Variants in IQGAP2 observed in about 807,000 individuals in gnomAD.
The protein encoded by IQGAP2 is ras GTPase-activating-like protein IQGAP2.
Under a neutral mutation model 201.3 loss-of-function variants are expected in IQGAP2, and 173 were observed. The observed-to-expected ratio is 0.86, with a 90% confidence interval of 0.76 to 0.98. The LOEUF (loss-of-function observed/expected upper bound fraction) is 0.98. Ranked by LOEUF, IQGAP2 falls within the 50% of genes least tolerant of loss-of-function variation. IQGAP2 has a pLI of 0.00. For synonymous variants in IQGAP2, 675 were observed against 673.9 expected (o/e 1.00, Z -0.03); for missense variants, 1,687 against 1,864.8 (o/e 0.90, Z 1.76).
At chr5:76,513,020 A>C (rs1031041133) in intron 2 of IQGAP2, among the ~76,000 whole-genome samples, 1 of 151,764 alleles carries the variant, frequency 6.6e-6, no homozygotes, top group African/African-American at 2.4e-5. Flanking sequence ...GTGCCACTGC[A>C]CTCCAGCCTG....
At chr5:76,668,871 A>T (rs971228238) in intron 23 of IQGAP2, 27 bp downstream of exon 23, 7 of 1,424,208 alleles carry the variant, frequency 4.9e-6, no homozygotes, top group Non-Finnish European at 6.7e-6. Context: ...GTATGTAAAA[A>T]TACCAGTGAA....
intron 14 of IQGAP2, among the ~76,000 whole-genome samples, chr5:76,629,596 A>T (rs1030610541): frequency 1.4e-4 from 22 of 151,750 alleles, no homozygotes; most frequent in Admixed American, 1.4e-3. Context: ...TTCTCTAATC[A>T]CTCCTTACCA....
intron 2 of IQGAP2, among the ~76,000 whole-genome samples, chr5:76,473,281 A>G (rs888803786): frequency 2.7e-5 from 4 of 147,708 alleles, no homozygotes; most frequent in Non-Finnish European, 3.0e-5. Flanking sequence ...GCTTTGGTGG[A>G]ATTAGCACAA....
chr5:76,551,155 C>T (rs1231751951), intron 2 of IQGAP2, among the ~76,000 whole-genome samples: 25 of 151,548 alleles, frequency 1.6e-4, no homozygotes, highest in African/African-American at 5.1e-4. Context: ...AGACGCTCCT[C>T]ACCTCCCAGA....
intron 30 of IQGAP2, chr5:76,691,858 T>C (rs182204238): frequency 6.6e-6 from 1 of 152,350 alleles, no homozygotes; most frequent in African/African-American, 2.4e-5. Context: ...TGTAATTAAC[T>C]TGAAGGGTTT....
At chr5:76,550,362 T>C (rs972630092) in intron 2 of IQGAP2, among the ~76,000 whole-genome samples, 1 of 151,734 alleles carries the variant, frequency 6.6e-6, no homozygotes, top group African/African-American at 2.4e-5. Context: ...TTTTTTTTTT[T>C]TTCAGTATTT....
At chr5:76,626,265 C>CTTTTTTTTTTT in intron 13 of IQGAP2, among the ~76,000 whole-genome samples, 1 of 57,506 alleles carries the variant, frequency 1.7e-5, no homozygotes, top group South Asian at 7.7e-4. Flanking sequence ...TTTTTTTCTT[C>CTTTTTTTTTTT]TTTTCTTTTT....
chr5:76,689,251 A>AAAAAAACCTGGTCGAGGAATCCT (rs1746061645), intron 30 of IQGAP2, among the ~76,000 whole-genome samples: 3 of 149,498 alleles, frequency 2.0e-5, no homozygotes, highest in Non-Finnish European at 4.4e-5. Context: ...AAAAAAAAAA[A>AAAAAAACCTGGTCGAGGAATCCT]AAAAACCTGG....
In IQGAP2 at chr5:76,673,594, G is replaced by A. The variant is rs1286456763; in HGVS notation, c.3209+5G>A. On this transcript the variant is annotated splice_donor_5th_base_variant and intron_variant, in intron 25 of 35. Coordinates refer to ENST00000274364, the MANE Select transcript of IQGAP2 (RefSeq NM_006633.5). ...TTCTTCCCTTGATCTACTGCCGTAA[G>A]TTGTACTTGCAGCAAGTTTAACATT... The A allele has an allele frequency of 6.2e-7, 1 of 1,613,210 alleles. No individual in the cohort carries two copies. The highest frequency in any genetic ancestry group is 1.1e-5 in the South Asian group (1 of 91,030).
intron 3 of IQGAP2, among the ~76,000 whole-genome samples, chr5:76,563,366 A>C (rs1744516555): frequency 6.6e-6 from 1 of 152,270 alleles, no homozygotes; most frequent in Non-Finnish European, 1.5e-5. Context: ...GATTTTTTAG[A>C]GATACATATC....
intron 17 of IQGAP2, among the ~76,000 whole-genome samples, chr5:76,644,936 G>A (rs972487560): frequency 3.9e-5 from 6 of 152,130 alleles, no homozygotes; most frequent in African/African-American, 1.4e-4. Context: ...TGCCATGGTG[G>A]TTTGCTGCAC....
At chr5:76,407,575 G>T (rs1750866293) in intron 1 of IQGAP2, among the ~76,000 whole-genome samples, 15 of 152,192 alleles carry the variant, frequency 9.9e-5, no homozygotes, top group Admixed American at 9.8e-4. Flanking sequence ...AAGTCAAGCT[G>T]CTCCCTCATA....
chr5:76,433,806 C>A (rs898795986), intron 1 of IQGAP2, among the ~76,000 whole-genome samples: 1 of 152,122 alleles, frequency 6.6e-6, no homozygotes, highest in Non-Finnish European at 1.5e-5. Flanking sequence ...TTTTATGTCA[C>A]GGCTGATTCT....
intron 13 of IQGAP2, among the ~76,000 whole-genome samples, chr5:76,622,870 TACAAAC>T (rs1749842159): frequency 6.6e-6 from 1 of 152,184 alleles, no homozygotes; most frequent in African/African-American, 2.4e-5. Context: ...GAGAAATTCT[TACAAAC>T]ACAAAAACGA....
chr5:76,490,978 G>A (rs1015503333), intron 2 of IQGAP2, among the ~76,000 whole-genome samples: 1 of 146,030 alleles, frequency 6.8e-6, no homozygotes, highest in Non-Finnish European at 1.5e-5. Context: ...TAGCATTGGA[G>A]ATTTTCATCT....
chr5:76,576,075 A>G lies in IQGAP2; in HGVS notation c.458+306A>G, dbSNP rs189064581. 1.2e-3 allele frequency among the ~76,000 whole-genome samples: 177 copies of G among 152,324 alleles called. 1 individual carries two copies. Among genetic ancestry groups the G allele is most frequent in the African/African-American group, 4.0e-3 (168 of 41,592 alleles). ...ACTTCTAGAAATCCAATTGTAATGT[A>G]CTACTATATTCTTGAGTTATGACCT... On this transcript the variant is annotated intron_variant, in intron 5 of 35. Coordinates refer to ENST00000274364, the MANE Select transcript of IQGAP2 (RefSeq NM_006633.5).
intron 2 of IQGAP2, among the ~76,000 whole-genome samples, chr5:76,492,989 C>T (rs536104672): frequency 1.4e-4 from 22 of 152,232 alleles, no homozygotes; most frequent in Non-Finnish European, 2.1e-4. Flanking sequence ...ATGTGCAGAT[C>T]GTGGATTGCA....
intron 1 of IQGAP2, among the ~76,000 whole-genome samples, chr5:76,454,337 A>T (rs1239515537): frequency 6.6e-6 from 1 of 151,754 alleles, no homozygotes; most frequent in African/African-American, 2.4e-5. Flanking sequence ...CATGTGCACA[A>T]TGTGCAGGTT....
chr5:76,447,443 G>T (rs889225114), intron 1 of IQGAP2, among the ~76,000 whole-genome samples: 6 of 152,026 alleles, frequency 3.9e-5, no homozygotes, highest in African/African-American at 1.2e-4. Context: ...CATTTTATGG[G>T]AGCTCTGTTT....
Sources: gnomAD v4.1 joint callset for allele counts (sites outside exome capture counted in the v4.1 genomes callset) on GRCh38, gnomAD v4.1.1 for gene constraint, MANE v1.5 for transcripts, NCBI Gene and HGNC (gene_info 2026-07-23, HGNC 2026-07-21) for gene names.